EDIL3: variants seen among roughly 807,000 people sequenced by gnomAD.
EDIL3 encodes the protein EGF-like repeat and discoidin I-like domain-containing protein 3.
In EDIL3, 37 loss-of-function variants were observed where a neutral mutation model predicts 67.4. That is an observed-to-expected ratio of 0.55 (90% CI 0.42 to 0.72). The LOEUF is 0.72. Among genes scored for constraint, EDIL3 ranks in the 30% least tolerant of loss-of-function variants. EDIL3 has a pLI of 0.00. For synonymous variants in EDIL3, 195 were observed against 196.3 expected (o/e 0.99, Z 0.05); for missense variants, 527 against 586.3 (o/e 0.90, Z 1.04).
chr5:84,231,998 T>C (rs991537), intron 2 of EDIL3, among the ~76,000 whole-genome samples: 91,965 of 151,972 alleles, frequency 0.61, 28,073 homozygotes, highest in East Asian at 0.82. Flanking sequence ...AGTACAGAGG[T>C]TCAGAGTGAC....
intron 1 of EDIL3, among the ~76,000 whole-genome samples, chr5:84,274,381 C>T (rs549470860): frequency 2.0e-5 from 3 of 152,250 alleles, no homozygotes; most frequent in African/African-American, 7.2e-5. Flanking sequence ...GGATCACAGG[C>T]TTAATATCAC....
intron 5 of EDIL3, among the ~76,000 whole-genome samples, chr5:84,119,799 C>A (rs2112297601): frequency 6.6e-6 from 1 of 152,050 alleles, no homozygotes. Flanking sequence ...AACAAAATCT[C>A]ATTTCTTGAA....
chr5:84,091,488 A>C (rs1034251633), intron 6 of EDIL3, among the ~76,000 whole-genome samples: 1 of 152,234 alleles, frequency 6.6e-6, no homozygotes, highest in Non-Finnish European at 1.5e-5. Flanking sequence ...TTAAATAGAA[A>C]TGGTTTTAAA....
intron 9 of EDIL3, among the ~76,000 whole-genome samples, chr5:84,021,472 C>G (rs939490754): frequency 6.6e-6 from 1 of 151,886 alleles, no homozygotes; most frequent in African/African-American, 2.4e-5. Flanking sequence ...AATGATTGTT[C>G]AGGAGCATAC....
At chr5:84,255,462 T>C (rs372686121) in intron 1 of EDIL3, among the ~76,000 whole-genome samples, 2 of 152,158 alleles carry the variant, frequency 1.3e-5, no homozygotes, top group African/African-American at 4.8e-5. Context: ...GTGGCTTTAT[T>C]GCACACAGGA....
chr5:84,099,785 G>C (rs942207003), intron 6 of EDIL3, among the ~76,000 whole-genome samples: 1 of 151,962 alleles, frequency 6.6e-6, no homozygotes, highest in South Asian at 2.1e-4. Context: ...TTATCAGAGT[G>C]AACAGGAAAC....
chr5:84,087,948 G>GA (rs1747101091), intron 6 of EDIL3, among the ~76,000 whole-genome samples: 1 of 152,056 alleles, frequency 6.6e-6, no homozygotes, highest in African/African-American at 2.4e-5. Flanking sequence ...TCTAAGCATG[G>GA]AAAAAAAGAA....
intron 9 of EDIL3, among the ~76,000 whole-genome samples, chr5:84,047,398 T>C (rs1746243291): frequency 6.6e-6 from 1 of 152,032 alleles, no homozygotes; most frequent in African/African-American, 2.4e-5. Context: ...TGACTCAAAA[T>C]TAGAAGGGAT....
At chr5:84,074,431 A>G (rs1746810714) in intron 6 of EDIL3, among the ~76,000 whole-genome samples, 1 of 152,222 alleles carries the variant, frequency 6.6e-6, no homozygotes, top group African/African-American at 2.4e-5. Flanking sequence ...ATGGGAGAAA[A>G]TTTTCTCAAC....
chr5:84,118,638 C>T (rs1747716882), intron 5 of EDIL3, among the ~76,000 whole-genome samples: 1 of 152,116 alleles, frequency 6.6e-6, no homozygotes, highest in African/African-American at 2.4e-5. Context: ...AAAAGTGTGT[C>T]CTACTTCATG....
chr5:84,010,308 C>T (rs2301073), intron 9 of EDIL3, among the ~76,000 whole-genome samples: 57,604 of 151,948 alleles, frequency 0.38, 11,033 homozygotes, highest in East Asian at 0.46. Flanking sequence ...AATTTGAGAA[C>T]TTTATAACCA....
rs1744219812 is a variant in EDIL3, at chr5:83,941,328, T to C, written c.*2091A>G. ...TTTCTAAAAGGTAACAAATATAATT[T>C]TAATCAACTTCCTTGGAAAATATTT... On this transcript the variant is annotated 3_prime_UTR_variant, in exon 11 of 11. Transcript: ENST00000296591. 2 of 152,044 alleles carry C rather than the reference T, an allele frequency of 1.3e-5. No individual in the cohort carries two copies. The highest frequency in any genetic ancestry group is 2.4e-5 in the African/African-American group (1 of 41,464). The allele number at this position is 152,044 out of a possible 1,614,324, so 9.4% of individuals were successfully genotyped here.
chr5:83,980,505 AC>A (rs1471000988), intron 9 of EDIL3, among the ~76,000 whole-genome samples: 1 of 151,620 alleles, frequency 6.6e-6, no homozygotes, highest in East Asian at 1.9e-4. Flanking sequence ...ATCCTGGCCA[AC>A]ATGGTGAAAC....
intron 1 of EDIL3, among the ~76,000 whole-genome samples, chr5:84,297,414 T>A (rs1746074307): frequency 6.6e-6 from 1 of 152,136 alleles, no homozygotes. Context: ...GAAATAGGAA[T>A]GCTTTTACAC....
In EDIL3 at chr5:84,308,323, T is replaced by C. The variant is rs181911367; in HGVS notation, c.68-54111A>G. Among the ~76,000 whole-genome samples, 128 of 152,226 alleles carry C rather than the reference T, an allele frequency of 8.4e-4. 1 individual carries two copies. The highest frequency in any genetic ancestry group is 3.5e-3 in the South Asian group (17 of 4,822). ...GTGAATGGCCTGGAGGATATGCAAATAGGCAGATACTAACTGGTATCTGGA... is the reference window on the plus strand; with the variant it reads ...GTGAATGGCCTGGAGGATATGCAAACAGGCAGATACTAACTGGTATCTGGA... On this transcript the variant is annotated intron_variant, in intron 1 of 10. Transcript: ENST00000296591.
chr5:84,223,908 T>C (rs980101969), intron 3 of EDIL3, among the ~76,000 whole-genome samples: 1 of 151,402 alleles, frequency 6.6e-6, no homozygotes, highest in African/African-American at 2.4e-5. Flanking sequence ...GAACAAAATA[T>C]TTTTACCATT....
intron 5 of EDIL3, among the ~76,000 whole-genome samples, chr5:84,108,483 G>T (rs1291858865): frequency 6.6e-6 from 1 of 152,046 alleles, no homozygotes; most frequent in Non-Finnish European, 1.5e-5. Flanking sequence ...TATCACTTTA[G>T]AATCATTAAA....
chr5:84,319,145 A>G (rs1746572962), intron 1 of EDIL3, among the ~76,000 whole-genome samples: 2 of 151,140 alleles, frequency 1.3e-5, no homozygotes, highest in African/African-American at 4.9e-5. Context: ...TTAAAAAGTC[A>G]GGAAACAACA....
At chr5:84,014,375 G>A (rs920094387) in intron 9 of EDIL3, among the ~76,000 whole-genome samples, 5 of 152,136 alleles carry the variant, frequency 3.3e-5, no homozygotes, top group Non-Finnish European at 7.3e-5. Flanking sequence ...TGCTGGGCGC[G>A]GTGGCTCAGG....
Sources: gnomAD v4.1 joint callset for allele counts (sites outside exome capture counted in the v4.1 genomes callset) on GRCh38, gnomAD v4.1.1 for gene constraint, MANE v1.5 for transcripts, NCBI Gene and HGNC (gene_info 2026-07-23, HGNC 2026-07-21) for gene names.